Variants in DPH6 observed in about 807,000 individuals in gnomAD.
DPH6 encodes diphthine--ammonia ligase.
In DPH6, 33 loss-of-function variants were observed where a neutral mutation model predicts 38.2. The ratio of observed to expected loss-of-function variants is 0.86; its 90% CI spans 0.65 to 1.15. The LOEUF is 1.15. Ranked by LOEUF, DPH6 falls within the 50% of genes most tolerant of loss-of-function variation. The pLI is 0.00. For synonymous variants in DPH6, 108 were observed against 103.0 expected, an observed-to-expected ratio of 1.05 and a Z score of -0.30; for missense variants, 325 against 320.0, an observed-to-expected ratio of 1.02 and a Z score of -0.12.
At chr15:35,253,374 G>T (rs997564781) in intron 3 of DPH6, among the ~76,000 whole-genome samples, 3 of 152,112 alleles carry the variant, frequency 2.0e-5, no homozygotes, top group African/African-American at 7.2e-5. Context: ...TTATATTCTG[G>T]TGCACAGGAA....
At chr15:35,487,806 T>C (rs1029848917) in intron 3 of DPH6, among the ~76,000 whole-genome samples, 1 of 152,238 alleles carries the variant, frequency 6.6e-6, no homozygotes, top group African/African-American at 2.4e-5. Flanking sequence ...TATCACATGG[T>C]GAGACTGCAA....
At chr15:35,389,392 T>G (rs915052710) in intron 6 of DPH6, among the ~76,000 whole-genome samples, 4 of 152,208 alleles carry the variant, frequency 2.6e-5, no homozygotes, top group African/African-American at 7.2e-5. Flanking sequence ...TTCCAGGATA[T>G]CCTTGTTAAC....
Position 35,373,606 on chromosome 15 carries a change from T to A in DPH6, c.665A>T (p.Asp222Val). 5.0e-6 allele frequency: 8 copies of A among 1,603,040 alleles called. No individual in the cohort carries two copies. The highest frequency in any genetic ancestry group is 6.8e-6 in the Non-Finnish European group (8 of 1,175,834). ...CPLFKKKIIV[D>V]SSEVVIHSAD... ...TGAATGTATGACTACTTCTGATGAA[T>A]CCCTGAAATACAAAAATTTTACAAT... is the stretch of plus-strand genomic sequence containing the variant. Residue 222 changes from aspartate (D) to valine (V), a missense_variant and splice_region_variant, in exon 8 of 9, where the codon GAT becomes GTT. Physicochemically the swap from Asp to Val is radical, Grantham distance 152 (BLOSUM62 -3). Transcript: ENST00000256538.
intron 1 of DPH6, among the ~76,000 whole-genome samples, chr15:35,543,303 T>TATATATATATATATATA (rs2079007192): frequency 7.9e-6 from 1 of 125,856 alleles, no homozygotes; most frequent in African/African-American, 2.9e-5. Context: ...TATATATATA[T>TATATATATATATATATA]GATGGCAGCA....
chr15:35,524,316 T>TC (rs896451993), intron 3 of DPH6, among the ~76,000 whole-genome samples: 1 of 152,102 alleles, frequency 6.6e-6, no homozygotes, highest in Non-Finnish European at 1.5e-5. Flanking sequence ...ACCAGGCTAA[T>TC]CCCTAGACCA....
At chr15:35,515,816 T>C (rs2054838849) in intron 3 of DPH6, among the ~76,000 whole-genome samples, 1 of 151,948 alleles carries the variant, frequency 6.6e-6, no homozygotes, top group Non-Finnish European at 1.5e-5. Flanking sequence ...GAAGATTGTT[T>C]GAGCTCAGAA....
In DPH6 at chr15:35,538,483, T is replaced by C; in HGVS notation, c.119-16A>G. ...TCAGACCCCACTGCAACAATTAAAA[T>C]GGAAATAATTAGCAAAAGAGAGTGA... On this transcript the variant is annotated splice_polypyrimidine_tract_variant and intron_variant, in intron 2 of 8. Coordinates refer to ENST00000256538, the MANE Select transcript of DPH6 (RefSeq NM_080650.4). 6.8e-7 allele frequency: 1 copy of C among 1,471,252 alleles called. No individual in the cohort carries two copies. Among genetic ancestry groups the C allele is most frequent in the Non-Finnish European group, 9.2e-7 (1 of 1,091,286 alleles). The allele number at this position is 1,471,252 out of a possible 1,614,324, so 91.1% of individuals were successfully genotyped here.
At chr15:35,492,436 A>G (rs1413314091) in intron 3 of DPH6, among the ~76,000 whole-genome samples, 1 of 152,188 alleles carries the variant, frequency 6.6e-6, no homozygotes. Context: ...ACCAGCTAAC[A>G]AATGAAAACT....
At chr15:35,404,399 C>T (rs1274597203) in intron 6 of DPH6, among the ~76,000 whole-genome samples, 1 of 152,048 alleles carries the variant, frequency 6.6e-6, no homozygotes, top group Admixed American at 6.6e-5. Flanking sequence ...TATTGCCTAT[C>T]TTTTGGATAA....
At chr15:35,421,500 T>A (rs1184930519) in intron 5 of DPH6, among the ~76,000 whole-genome samples, 1 of 152,188 alleles carries the variant, frequency 6.6e-6, no homozygotes, top group Non-Finnish European at 1.5e-5. Context: ...ACATTAAAAA[T>A]TACTGTAAAG....
At position 35,373,660 on chromosome 15, in the gene DPH6, A is replaced by C. The variant is rs1054516126; in HGVS notation, c.663-52T>G. The C allele has an allele frequency of 2.0e-6, 3 of 1,467,418 alleles. No individual in the cohort carries two copies. In the African/African-American group the frequency reaches 4.2e-5, roughly 21 times the overall value. The allele number at this position is 1,467,418 out of a possible 1,614,324, so 90.9% of individuals were successfully genotyped here. A position where few individuals can be genotyped will look rare whatever the true frequency, so the allele number is the denominator to read the frequency against. On this transcript the variant is annotated intron_variant, in intron 7 of 8. Transcript: ENST00000256538. ...TTTATATGCTACAAAAATTGTGACAAATCATTCCTCCTACTGACTAGAAGA... is the reference window on the plus strand; with the variant it reads ...TTTATATGCTACAAAAATTGTGACACATCATTCCTCCTACTGACTAGAAGA...
Position 35,542,402 on chromosome 15 carries a change from C to T in DPH6, c.118+11G>A. ...CATTTAGGCAACTTCCCAATAAAGG[C>T]ATGTACTTACCTTGGTTTTCAGCTG... On this transcript the variant is annotated intron_variant, in intron 2 of 8. Transcript: ENST00000256538. 4 of 1,553,980 alleles carry T rather than the reference C, an allele frequency of 2.6e-6. No homozygotes were observed. The highest frequency in any genetic ancestry group is 3.5e-6 in the Non-Finnish European group (4 of 1,134,326).
chr15:35,288,013 C>T (rs2051954968), intron 3 of DPH6, among the ~76,000 whole-genome samples: 1 of 152,196 alleles, frequency 6.6e-6, no homozygotes, highest in Admixed American at 6.5e-5. Context: ...CTGGACCTTT[C>T]ATTCTTGCAA....
chr15:35,220,666 A>G (rs959252579), intron 3 of DPH6: 18 of 152,182 alleles, frequency 1.2e-4, no homozygotes, highest in African/African-American at 4.3e-4. Context: ...TAGTTCATTC[A>G]TAAGGGTGGA....
chr15:35,372,019 G>A lies in DPH6; in HGVS notation c.*131C>T. On this transcript the variant is annotated 3_prime_UTR_variant, in exon 9 of 9. Transcript: ENST00000256538. ...TAAATGGTTCCACTAACCTCTTCTA[G>A]TGAAAGTATGTTTCTCTAAAAAAAT... 1.4e-6 allele frequency: 2 copies of A among 1,404,508 alleles called. No individual in the cohort carries two copies. The highest frequency in any genetic ancestry group is 1.8e-6 in the Non-Finnish European group (2 of 1,081,308). 87.0% of individuals were successfully genotyped at this position (1,404,508 alleles called of 1,614,324 possible).
chr15:35,468,794 G>A (rs1181063583), intron 3 of DPH6, among the ~76,000 whole-genome samples: 6 of 152,040 alleles, frequency 3.9e-5, no homozygotes, highest in East Asian at 1.9e-4. Context: ...GAGGCTGGGC[G>A]CGGTGGCTCA....
At chr15:35,190,417 G>C in the DPH6 span, among the ~76,000 whole-genome samples, 1 of 152,196 alleles carries the variant, frequency 6.6e-6, no homozygotes. Context: ...GGTTGGGTCA[G>C]AGATGAGATC....
the DPH6 span, among the ~76,000 whole-genome samples, chr15:35,178,379 CAA>C: frequency 2.0e-5 from 3 of 152,164 alleles, no homozygotes; most frequent in African/African-American, 7.2e-5. Context: ...CAATGAGAAG[CAA>C]AGTCATGTCT....
chr15:35,423,231 C>G (rs1229591835), intron 5 of DPH6, among the ~76,000 whole-genome samples: 1 of 151,536 alleles, frequency 6.6e-6, no homozygotes, highest in African/African-American at 2.4e-5. Flanking sequence ...TTTTCTGATA[C>G]TCATTCTAAC....
Sources: allele counts gnomAD v4.1 joint callset (sites outside exome capture counted in the v4.1 genomes callset), GRCh38; gene constraint gnomAD v4.1.1; transcripts MANE v1.5; gene names NCBI Gene and HGNC (gene_info 2026-07-23, HGNC 2026-07-21).